The following DACH2 variants were observed in gnomAD, a reference collection of about 807,000 sequenced individuals.
DACH2 encodes dachshund homolog 2.
DACH2 carries 17 observed loss-of-function variants against 35.8 expected under a neutral mutation model. The ratio of observed to expected loss-of-function variants is 0.48; its 90% CI spans 0.33 to 0.71. The LOEUF is 0.71. Ranked by LOEUF, DACH2 falls within the 30% of genes least tolerant of loss-of-function variation. The pLI, the probability that DACH2 is intolerant of heterozygous loss-of-function variation, is 0.02. For missense variants in DACH2, 469 were observed against 472.7 expected (o/e 0.99, Z 0.07); for synonymous variants, 195 against 177.3 (o/e 1.10, Z -0.79).
intron 2 of DACH2, among the ~76,000 whole-genome samples, chrX:86,404,340 T>C (rs1049055944): frequency 8.9e-6 from 1 of 111,889 alleles, no homozygotes; most frequent in African/African-American, 3.3e-5. Flanking sequence ...GAAAAGCAAG[T>C]TATTTACTTC....
chrX:86,196,161 G>GAC (rs1446028109), intron 1 of DACH2, among the ~76,000 whole-genome samples: 2 of 111,352 alleles, frequency 1.8e-5, no homozygotes, highest in African/African-American at 6.5e-5. Context: ...AGAGTACATT[G>GAC]ACACCCAATC....
chrX:86,816,454 A>G (rs905239876), intron 11 of DACH2, among the ~76,000 whole-genome samples: 1 of 111,959 alleles, frequency 8.9e-6, no homozygotes, highest in Non-Finnish European at 1.9e-5. Context: ...GTACAATACC[A>G]TGAGGTATTT....
At chrX:86,538,243 A>G (rs1021019429) in intron 3 of DACH2, among the ~76,000 whole-genome samples, 2 of 111,499 alleles carry the variant, frequency 1.8e-5, no homozygotes, top group African/African-American at 6.5e-5. Flanking sequence ...CAGCATCCTG[A>G]TAATCACCAC....
At chrX:86,471,366 C>T (rs976298587) in intron 2 of DACH2, among the ~76,000 whole-genome samples, 8 of 111,162 alleles carry the variant, frequency 7.2e-5, no homozygotes, top group Admixed American at 3.9e-4. Flanking sequence ...GCTTGTAAAA[C>T]ATCAGTCTTA....
intron 6 of DACH2, among the ~76,000 whole-genome samples, chrX:86,721,914 GACTC>G (rs1423207671): frequency 9.9e-5 from 11 of 111,085 alleles, no homozygotes; most frequent in Non-Finnish European, 1.9e-4. Flanking sequence ...GATATCCTGA[GACTC>G]ACTCAGTATC....
chrX:86,398,903 A>G (rs749702065), intron 2 of DACH2, among the ~76,000 whole-genome samples: 4 of 111,616 alleles, frequency 3.6e-5, no homozygotes, highest in East Asian at 2.8e-4. Context: ...TATTAGGTCC[A>G]CTTGGTGCAG....
intron 1 of DACH2, among the ~76,000 whole-genome samples, chrX:86,150,357 C>G (rs1292496587): frequency 8.9e-6 from 1 of 112,223 alleles, no homozygotes; most frequent in Non-Finnish European, 1.9e-5. Context: ...CATAAAATCT[C>G]TGGGTCTGTG....
intron 2 of DACH2, among the ~76,000 whole-genome samples, chrX:86,502,914 C>T (rs1043650734): frequency 1.8e-5 from 2 of 110,993 alleles, no homozygotes; most frequent in Non-Finnish European, 3.8e-5. Context: ...TATGTGTAGC[C>T]CAAGTCAATT....
rs184192184 is a variant in DACH2 at position 86,152,227 on chromosome X, C to T, written c.488+3119C>T. Among the ~76,000 whole-genome samples the T allele has an allele frequency of 1.3e-3, 147 of 111,213 alleles. 1 individual carries two copies. Among genetic ancestry groups the T allele is most frequent in the African/African-American group, 4.6e-3 (140 of 30,685 alleles). On this transcript the variant is annotated intron_variant, in intron 1 of 11. Coordinates refer to ENST00000373125, the MANE Select transcript of DACH2 (RefSeq NM_053281.3). ...CAATTTTCTCTTTCTGTATAATAAA[C>T]ATTTCTTCCCCTCTCTGTTGAGTAT...
chrX:86,710,667 G>A (rs749887107), intron 5 of DACH2, among the ~76,000 whole-genome samples: 1 of 111,875 alleles, frequency 8.9e-6, no homozygotes, highest in South Asian at 3.7e-4. Context: ...AGGCTAACGT[G>A]AATTCAAACT....
rs140387527 is a variant in DACH2, at chrX:86,815,237, G to A, written c.1684+403G>A. Among the ~76,000 whole-genome samples, 983 of 111,491 alleles carry A rather than the reference G, an allele frequency of 8.8e-3. 4 individuals are homozygous for A. The highest frequency in any genetic ancestry group is 0.031 in the African/African-American group (941 of 30,716). On this transcript the variant is annotated intron_variant, in intron 10 of 11. Coordinates refer to ENST00000373125, the MANE Select transcript of DACH2 (RefSeq NM_053281.3). Reference sequence around the variant, plus strand: ...TGTTCCTTTAATGCAGATTGCATCAGTGTTGCCATGCCTAAGGAGTACCAG... The same window carrying A: ...TGTTCCTTTAATGCAGATTGCATCAATGTTGCCATGCCTAAGGAGTACCAG...
chrX:86,782,265 A>T (rs1336479879), intron 7 of DACH2, among the ~76,000 whole-genome samples: 1 of 111,872 alleles, frequency 8.9e-6, no homozygotes, highest in African/African-American at 3.2e-5. Context: ...ATACTACCCA[A>T]AGTAATCTAT....
chrX:86,666,538 G>C (rs2040671869), intron 4 of DACH2, among the ~76,000 whole-genome samples: 1 of 111,956 alleles, frequency 8.9e-6, no homozygotes, highest in African/African-American at 3.2e-5. Flanking sequence ...CTAACATTAG[G>C]TGTTAAAAGA....
chrX:86,436,133 CT>C lies in DACH2; in HGVS notation c.527+59274del, dbSNP rs766120520. Among the ~76,000 whole-genome samples, 30 of 110,738 alleles carry C rather than the reference CT, an allele frequency of 2.7e-4. No homozygotes were observed. In the East Asian group the frequency reaches 3.4e-3, roughly 13 times the overall value. The stretch of plus-strand genomic sequence containing the variant: ...ATGTATTATGAAATATGAGCAGTTC[CT>C]TTAATTATAGACCTCCCCAGGACTA... On this transcript the variant is annotated intron_variant, in intron 2 of 11. Transcript: ENST00000373125.
At position 86,148,553 on chromosome X, in the gene DACH2, G is replaced by A; in HGVS notation, c.-68G>A. On this transcript the variant is annotated 5_prime_UTR_variant, in exon 1 of 12. Coordinates refer to ENST00000373125, the MANE Select transcript of DACH2 (RefSeq NM_053281.3). ...AGAGCGAGAGTGAGGGAGTGAGTGC[G>A]AGGGGATCTAGAGGAGTCAGGGCGA... 6 of 1,085,414 alleles carry A rather than the reference G, an allele frequency of 5.5e-6. No homozygotes were observed. The highest frequency in any genetic ancestry group is 4.9e-6 in the Non-Finnish European group (4 of 824,064). The allele number at this position is 1,085,414 out of a possible 1,213,427, so 89.5% of individuals were successfully genotyped here. A position where few individuals can be genotyped will look rare whatever the true frequency, so the allele number is the denominator to read the frequency against.
chrX:86,683,065 GATT>G (rs2040900334), intron 4 of DACH2, among the ~76,000 whole-genome samples: 1 of 110,992 alleles, frequency 9.0e-6, no homozygotes, highest in South Asian at 3.7e-4. Flanking sequence ...TGGGTAAAAT[GATT>G]ATTTTTTTCT....
chrX:86,338,882 A>G (rs1286530786), intron 1 of DACH2, among the ~76,000 whole-genome samples: 3 of 112,184 alleles, frequency 2.7e-5, no homozygotes, highest in Admixed American at 9.5e-5. Context: ...GATAAAGGGG[A>G]TATCACCACT....
At chrX:86,522,558 T>C (rs755016210) in intron 3 of DACH2, among the ~76,000 whole-genome samples, 12 of 111,695 alleles carry the variant, frequency 1.1e-4, no homozygotes, top group Non-Finnish European at 2.1e-4. Context: ...CCAAGCAATA[T>C]AAGAATACAT....
chrX:86,730,032 A>T (rs1351204197), intron 6 of DACH2, among the ~76,000 whole-genome samples: 1 of 110,956 alleles, frequency 9.0e-6, no homozygotes, highest in African/African-American at 3.3e-5. Context: ...TTAAAAAAAA[A>T]ACAAGCTGTG....
Sources: allele counts gnomAD v4.1 joint callset (sites outside exome capture counted in the v4.1 genomes callset), GRCh38; gene constraint gnomAD v4.1.1; transcripts MANE v1.5; gene names NCBI Gene and HGNC (gene_info 2026-07-23, HGNC 2026-07-21).